Variants in SPECC1 observed in about 807,000 individuals in gnomAD.
SPECC1 encodes the protein cytospin-B.
Under a neutral mutation model 104.1 loss-of-function variants are expected in SPECC1, and 62 were observed. The ratio of observed to expected loss-of-function variants is 0.60; its 90% confidence interval spans 0.49 to 0.74. The LOEUF is 0.74. Ranked by LOEUF, SPECC1 falls within the 30% of genes least tolerant of loss-of-function variation. SPECC1 has a pLI of 0.00. For synonymous variants in SPECC1, 513 were observed against 501.6 expected (o/e 1.02, Z -0.30); for missense variants, 1,306 against 1,310.5 (o/e 1.00, Z 0.05).
chr17:20,046,867 G>A (rs936738758), intron 1 of SPECC1, among the ~76,000 whole-genome samples: 2 of 140,050 alleles, frequency 1.4e-5, no homozygotes, highest in African/African-American at 5.2e-5. Flanking sequence ...GAGGGCACGT[G>A]GGGTGGGGGG....
In SPECC1 at chr17:20,135,518, C is replaced by T. The variant is rs2049871415; in HGVS notation, c.283+24956C>T. Among the ~76,000 whole-genome samples the T allele has an allele frequency of 2.6e-5, 4 of 152,164 alleles. 1 individual carries two copies. In the South Asian group the frequency reaches 8.3e-4, roughly 32 times the overall value. ...CCAGGATGCAGTGCAGTGGTATGAT[C>T]ATGGCCCACTGCAGCCTTGACCTCC... is the stretch of plus-strand genomic sequence containing the variant. On this transcript the variant is annotated intron_variant, in intron 3 of 14. Coordinates refer to ENST00000395527, the MANE Select transcript of SPECC1 (RefSeq NM_001243439.2).
In SPECC1 at chr17:20,072,875, T is replaced by C. The variant is rs2046612056; in HGVS notation, c.-21-23756T>C. Among the ~76,000 whole-genome samples, 4 of 152,292 alleles carry C rather than the reference T, an allele frequency of 2.6e-5. No individual in the cohort carries two copies. The South Asian group carries it at 8.3e-4, about 32-fold the overall frequency. On this transcript the variant is annotated intron_variant, in intron 1 of 14. Transcript: ENST00000395527. ...TTGGTGCCTGTGGATATAACACATG[T>C]TGCTTGTTTACCTTCACAACATTTC...
chr17:20,037,198 T>G lies in SPECC1; in HGVS notation c.-22+27774T>G, dbSNP rs1208757110. Among the ~76,000 whole-genome samples the G allele has an allele frequency of 2.0e-5, 3 of 152,218 alleles. No homozygotes were observed. The East Asian group carries it at 5.8e-4, about 29-fold the overall frequency. Reference sequence around the variant, plus strand: ...AATTATTTTTATATATTGCTTCTACTTGCTAATATTTTGTTAAGGAGTTTA... The same window carrying G: ...AATTATTTTTATATATTGCTTCTACGTGCTAATATTTTGTTAAGGAGTTTA... On this transcript the variant is annotated intron_variant, in intron 1 of 14. Coordinates refer to ENST00000395527, the MANE Select transcript of SPECC1 (RefSeq NM_001243439.2).
In SPECC1 at chr17:20,317,084, T is replaced by C. The variant is rs2042050704; in HGVS notation, c.*3019T>C. 5.3e-6 allele frequency: 1 copy of C among 187,290 alleles called. No individual in the cohort carries two copies. Among genetic ancestry groups the C allele is most frequent in the Non-Finnish European group, 1.1e-5 (1 of 89,594 alleles). The allele number at this position is 187,290 out of a possible 1,614,324, so 11.6% of individuals were successfully genotyped here. Reference sequence around the variant, plus strand: ...TTTTTTTTTTTATTTGCCAGTGGTGTGCATGTAGAAGAGGAATGCCATGTC... The same window carrying C: ...TTTTTTTTTTTATTTGCCAGTGGTGCGCATGTAGAAGAGGAATGCCATGTC... On this transcript the variant is annotated 3_prime_UTR_variant, in exon 15 of 15. Transcript: ENST00000395527.
intron 3 of SPECC1, among the ~76,000 whole-genome samples, chr17:20,174,413 C>T (rs1018171395): frequency 1.3e-5 from 2 of 151,878 alleles, no homozygotes; most frequent in African/African-American, 4.8e-5. Context: ...GACTCAAGAC[C>T]CAGATTTGTG....
At chr17:20,100,953 A>G (rs746171804) in intron 2 of SPECC1, among the ~76,000 whole-genome samples, 32 of 152,136 alleles carry the variant, frequency 2.1e-4, no homozygotes, top group Non-Finnish European at 3.7e-4. Context: ...GCTGAGAATG[A>G]TGGCTTCCAG....
chr17:20,270,088 G>A (rs1029826433), intron 12 of SPECC1, among the ~76,000 whole-genome samples: 1 of 152,096 alleles, frequency 6.6e-6, no homozygotes, highest in African/African-American at 2.4e-5. Context: ...CAGATGAGCG[G>A]TTGCCAGAGG....
intron 1 of SPECC1, among the ~76,000 whole-genome samples, chr17:20,090,047 C>T (rs1379553415): frequency 2.0e-5 from 3 of 152,196 alleles, no homozygotes; most frequent in South Asian, 2.1e-4. Context: ...GAGAGGCATA[C>T]GTATGAGACC....
chr17:20,247,131 C>A, intron 8 of SPECC1, 88 bp from the exon 9 acceptor site: 1 of 1,038,540 alleles, frequency 9.6e-7, no homozygotes, highest in Admixed American at 2.3e-5. Context: ...CCTTAAGCCA[C>A]CAAAAAAAGT....
intron 14 of SPECC1, among the ~76,000 whole-genome samples, chr17:20,311,414 G>A (rs1280463703): frequency 8.6e-5 from 13 of 151,352 alleles, no homozygotes; most frequent in Non-Finnish European, 1.8e-4. Context: ...TTTTGAGATG[G>A]AGTCTTGCTC....
chr17:20,142,014 A>G (rs1418608402), intron 3 of SPECC1, among the ~76,000 whole-genome samples: 2 of 152,160 alleles, frequency 1.3e-5, no homozygotes, highest in Non-Finnish European at 2.9e-5. Flanking sequence ...AATATGGAAA[A>G]CTTGAATAGT....
At chr17:20,202,711 G>A (rs967464510) in intron 3 of SPECC1, among the ~76,000 whole-genome samples, 3 of 151,946 alleles carry the variant, frequency 2.0e-5, no homozygotes, top group Admixed American at 1.3e-4. Context: ...TCAGGCTTCC[G>A]GTCAACAATA....
At chr17:20,070,586 T>C (rs1296358391) in intron 1 of SPECC1, among the ~76,000 whole-genome samples, 5 of 152,208 alleles carry the variant, frequency 3.3e-5, no homozygotes, top group African/African-American at 1.2e-4. Flanking sequence ...AATGGCTGCA[T>C]AAGGCTTAAT....
chr17:20,188,811 T>C (rs1192077953), intron 3 of SPECC1, among the ~76,000 whole-genome samples: 1 of 152,174 alleles, frequency 6.6e-6, no homozygotes, highest in East Asian at 1.9e-4. Context: ...ATTCCTTAAA[T>C]TTCTTTGTGT....
At chr17:20,298,921 A>AAGAGAGAGAGAGAGAGAGAGAGAGAG (rs370856374) in intron 13 of SPECC1, among the ~76,000 whole-genome samples, 6 of 72,790 alleles carry the variant, frequency 8.2e-5, no homozygotes, top group South Asian at 1.6e-3. Context: ...GCAGAACCAA[A>AAGAGAGAGAGAGAGAGAGAGAGAGAG]AGAGAGAGAG....
chr17:20,260,643 G>C (rs2039993266), intron 12 of SPECC1, among the ~76,000 whole-genome samples: 1 of 152,228 alleles, frequency 6.6e-6, no homozygotes, highest in Non-Finnish European at 1.5e-5. Context: ...GAGGCCAAAA[G>C]AGTTTTCTCA....
At chr17:20,062,432 G>A (rs111487554) in intron 1 of SPECC1, among the ~76,000 whole-genome samples, 10,711 of 151,976 alleles carry the variant, frequency 0.07, 410 homozygotes, top group Non-Finnish European at 0.08. Flanking sequence ...GTGTGATCAC[G>A]GCTCACCACA....
chr17:20,168,263 C>A (rs2033821124), intron 3 of SPECC1, among the ~76,000 whole-genome samples: 1 of 152,098 alleles, frequency 6.6e-6, no homozygotes, highest in South Asian at 2.1e-4. Flanking sequence ...TTTAAAAAAA[C>A]ATTACACCAT....
chr17:20,298,835 A>G (rs1053563462), intron 13 of SPECC1, among the ~76,000 whole-genome samples: 1 of 151,888 alleles, frequency 6.6e-6, no homozygotes, highest in African/African-American at 2.4e-5. Flanking sequence ...TAAATAAAGT[A>G]CAAAGAAGGA....
Sources: gnomAD v4.1 joint callset for allele counts (sites outside exome capture counted in the v4.1 genomes callset) on GRCh38, gnomAD v4.1.1 for gene constraint, MANE v1.5 for transcripts, NCBI Gene and HGNC (gene_info 2026-07-23, HGNC 2026-07-21) for gene names.